RBFOX1: variants seen among roughly 807,000 people sequenced by gnomAD.
The protein encoded by RBFOX1 is RNA binding fox-1 homolog 1.
Under a neutral mutation model 57.7 loss-of-function variants are expected in RBFOX1, and 8 were observed. The ratio of observed to expected loss-of-function variants is 0.14; its 90% CI spans 0.08 to 0.25. The LOEUF is 0.25. Among genes scored for constraint, RBFOX1 ranks in the 10% least tolerant of loss-of-function variants. The pLI is 1.00. For synonymous variants in RBFOX1, 326 were observed against 222.4 expected (o/e 1.47, Z -4.15); for missense variants, 611 against 548.5 (o/e 1.11, Z -1.14).
chr16:5,824,633 G>A (rs2055972876), intron 3 of RBFOX1, among the ~76,000 whole-genome samples: 1 of 152,214 alleles, frequency 6.6e-6, no homozygotes, highest in Admixed American at 6.5e-5. Context: ...GAAAATCCCT[G>A]CAAATTGATT....
At chr16:6,235,918 G>T (rs1422642631) in intron 1 of RBFOX1, among the ~76,000 whole-genome samples, 1 of 151,988 alleles carries the variant, frequency 6.6e-6, no homozygotes, top group African/African-American at 2.4e-5. Flanking sequence ...TATACTGCTC[G>T]GGTGATGGGT....
At chr16:5,461,892 G>C (rs918706060) in intron 1 of RBFOX1, among the ~76,000 whole-genome samples, 6 of 152,176 alleles carry the variant, frequency 3.9e-5, no homozygotes, top group African/African-American at 1.4e-4. Context: ...AGAGTCTAAA[G>C]AGAAGGGACA....
At chr16:6,182,823 C>G (rs2097074809) in intron 1 of RBFOX1, among the ~76,000 whole-genome samples, 1 of 152,012 alleles carries the variant, frequency 6.6e-6, no homozygotes, top group East Asian at 1.9e-4. Context: ...TTACATAATT[C>G]TTTTTTAATG....
chr16:5,284,780 T>G (rs1443855279), intron 1 of RBFOX1, among the ~76,000 whole-genome samples: 1 of 146,358 alleles, frequency 6.8e-6, no homozygotes, highest in African/African-American at 2.5e-5. Flanking sequence ...TTTTTTTTTT[T>G]TTACTTGTAG....
intron 3 of RBFOX1, among the ~76,000 whole-genome samples, chr16:7,016,536 G>A (rs1479044517): frequency 6.6e-6 from 1 of 152,128 alleles, no homozygotes. Context: ...TATGTGCCAA[G>A]CATTGCACAC....
intron 1 of RBFOX1, among the ~76,000 whole-genome samples, chr16:5,318,951 C>A (rs2064319932): frequency 1.3e-5 from 2 of 152,080 alleles, no homozygotes; most frequent in African/African-American, 4.8e-5. Context: ...CATGGTGAAA[C>A]CCCATCTCTA....
At position 7,379,017 on chromosome 16, in the gene RBFOX1, C is replaced by A. The variant is rs577212017; in HGVS notation, c.28-139130C>A. ...AGCTTAGATATCTACTCTCTAAATGCAGTTACTTTATCTATGACCTGGCAA... is the reference window on the plus strand; with the variant it reads ...AGCTTAGATATCTACTCTCTAAATGAAGTTACTTTATCTATGACCTGGCAA... On this transcript the variant is annotated intron_variant, in intron 4 of 15. Transcript: ENST00000550418. Among the ~76,000 whole-genome samples, 10 of 152,318 alleles carry A rather than the reference C, an allele frequency of 6.6e-5. No homozygotes were observed. The East Asian group carries it at 1.9e-3, about 29-fold the overall frequency.
intron 3 of RBFOX1, among the ~76,000 whole-genome samples, chr16:5,790,075 A>C (rs1426020337): frequency 1.3e-5 from 2 of 152,240 alleles, no homozygotes; most frequent in East Asian, 3.9e-4. Flanking sequence ...TCGGGACTCC[A>C]GGCTGCTACC....
At chr16:6,791,285 G>A (rs573673064) in intron 3 of RBFOX1, among the ~76,000 whole-genome samples, 1 of 152,096 alleles carries the variant, frequency 6.6e-6, no homozygotes, top group Non-Finnish European at 1.5e-5. Flanking sequence ...CATGGAAATT[G>A]CTTTTCTTTT....
At chr16:6,685,364 C>T (rs1382581591) in intron 3 of RBFOX1, among the ~76,000 whole-genome samples, 7 of 150,582 alleles carry the variant, frequency 4.6e-5, no homozygotes, top group African/African-American at 1.7e-4. Flanking sequence ...CAACCTCCGC[C>T]TCCCAGGTTC....
intron 1 of RBFOX1, among the ~76,000 whole-genome samples, chr16:6,170,079 G>C (rs138579721): frequency 1.3e-5 from 2 of 152,070 alleles, no homozygotes; most frequent in African/African-American, 2.4e-5. Flanking sequence ...GTTAGGTTGC[G>C]GTTTGTCCAC....
intron 4 of RBFOX1, among the ~76,000 whole-genome samples, chr16:7,427,093 A>G (rs114103559): frequency 1.6e-3 from 242 of 152,280 alleles, no homozygotes; most frequent in African/African-American, 5.4e-3. Flanking sequence ...GGTGGGGAAC[A>G]TCGTGTGACC....
Position 7,710,357 on chromosome 16 carries a change from C to A in RBFOX1, c.1072-266C>A, listed in dbSNP as rs537007681. On this transcript the variant is annotated intron_variant, in intron 15 of 15. Transcript: ENST00000550418. ...AAAAATGAGACAGTGAAAATCCTTC[C>A]ATTGTCCAGCTTATAATAGAGTCCT... 193 of 1,291,834 alleles carry A rather than the reference C, an allele frequency of 1.5e-4. No individual in the cohort carries two copies. The African/African-American group carries it at 2.8e-3, about 19-fold the overall frequency. The allele number at this position is 1,291,834 out of a possible 1,614,324, so 80.0% of individuals were successfully genotyped here.
At chr16:7,590,542 A>G (rs2094388320) in intron 7 of RBFOX1, among the ~76,000 whole-genome samples, 1 of 152,008 alleles carries the variant, frequency 6.6e-6, no homozygotes, top group Non-Finnish European at 1.5e-5. Context: ...CTGTATGCAG[A>G]TATAGCTACT....
intron 4 of RBFOX1, among the ~76,000 whole-genome samples, chr16:7,359,087 A>AGGAGG (rs2097270938): frequency 6.6e-6 from 1 of 152,162 alleles, no homozygotes; most frequent in Non-Finnish European, 1.5e-5. Flanking sequence ...TAGCCATCTA[A>AGGAGG]GGAGGTACAG....
intron 2 of RBFOX1, among the ~76,000 whole-genome samples, chr16:6,612,860 A>ATAATAAT (rs1555612722): frequency 5.4e-4 from 15 of 27,856 alleles, no homozygotes; most frequent in Non-Finnish European, 1.1e-3. Flanking sequence ...AAAAAAAAAA[A>ATAATAAT]AAAAATAATA....
chr16:5,358,702 C>G (rs2151331988), intron 1 of RBFOX1, among the ~76,000 whole-genome samples: 1 of 152,264 alleles, frequency 6.6e-6, no homozygotes, highest in Non-Finnish European at 1.5e-5. Context: ...GCATGTATGC[C>G]TATAATCCCA....
At chr16:6,862,890 C>T (rs1216377883) in intron 3 of RBFOX1, among the ~76,000 whole-genome samples, 1 of 143,154 alleles carries the variant, frequency 7.0e-6, no homozygotes, top group Non-Finnish European at 1.6e-5. Flanking sequence ...GAGGTTGAGG[C>T]AGGAGAATCA....
chr16:5,505,186 C>T (rs1021842859), intron 2 of RBFOX1, among the ~76,000 whole-genome samples: 26 of 152,168 alleles, frequency 1.7e-4, no homozygotes, highest in African/African-American at 6.3e-4. Context: ...GCTGCATAAA[C>T]CTCTTGTATG....
Sources: allele counts gnomAD v4.1 joint callset (sites outside exome capture counted in the v4.1 genomes callset), GRCh38; gene constraint gnomAD v4.1.1; transcripts MANE v1.5; gene names NCBI Gene and HGNC (gene_info 2026-07-23, HGNC 2026-07-21).